AUTS2: variants seen among roughly 807,000 people sequenced by gnomAD.
AUTS2 encodes the protein autism susceptibility gene 2 protein.
AUTS2 carries 17 observed loss-of-function variants against 112.4 expected under a neutral mutation model. The observed-to-expected ratio is 0.15, with a 90% CI of 0.10 to 0.23. AUTS2 has a LOEUF of 0.23. Ranked by LOEUF, AUTS2 falls within the 10% of genes least tolerant of loss-of-function variation. The probability of loss-of-function intolerance (pLI) is 1.00; values close to 1 mark genes in which losing one functional copy is unlikely to be tolerated. For missense variants in AUTS2, 1,510 were observed against 1,701.6 expected (o/e 0.89, Z 1.98); for synonymous variants, 751 against 702.7 (o/e 1.07, Z -1.09).
intron 1 of AUTS2, among the ~76,000 whole-genome samples, chr7:69,730,316 T>A (rs1242486351): frequency 1.3e-5 from 2 of 152,202 alleles, no homozygotes; most frequent in African/African-American, 2.4e-5. Flanking sequence ...TGAAGTTTTT[T>A]ATATTTTCTT....
At chr7:69,698,439 A>T (rs1298273636) in intron 1 of AUTS2, among the ~76,000 whole-genome samples, 5 of 152,106 alleles carry the variant, frequency 3.3e-5, no homozygotes, top group Admixed American at 6.6e-5. Context: ...TGACTTGTCT[A>T]CCAAAGGGTT....
chr7:70,356,499 T>G (rs1792015409), intron 4 of AUTS2, among the ~76,000 whole-genome samples: 1 of 152,232 alleles, frequency 6.6e-6, no homozygotes, highest in African/African-American at 2.4e-5. Flanking sequence ...CAGATGGCTT[T>G]TATTGCCAGT....
chr7:70,554,393 C>CTT lies in AUTS2; in HGVS notation c.690+118631_690+118632dup, dbSNP rs34757734. Among the ~76,000 whole-genome samples, 758 of 116,042 alleles carry CTT rather than the reference C, an allele frequency of 6.5e-3. 18 individuals carry two copies. Among genetic ancestry groups the CTT allele is most frequent in the African/African-American group, 0.024 (708 of 28,998 alleles). The allele number at this position is 116,042 out of a possible 152,430, so 76.1% of individuals were successfully genotyped here. ...CTCTTTTTTTTCTTTTCTTTTCTTT[C>CTT]TTTTTTTTTTTTTTTTTTTTGAAAC... On this transcript the variant is annotated intron_variant, in intron 5 of 18. Coordinates refer to ENST00000342771, the MANE Select transcript of AUTS2 (RefSeq NM_015570.4).
intron 4 of AUTS2, among the ~76,000 whole-genome samples, chr7:70,175,758 TTTAAAA>T (rs1178333895): frequency 6.6e-6 from 1 of 152,214 alleles, no homozygotes; most frequent in African/African-American, 2.4e-5. Context: ...ATAAAGCATT[TTTAAAA>T]TTAAGGTAAC....
Position 70,518,358 on chromosome 7 carries a change from T to A in AUTS2, c.690+82577T>A. On this transcript the variant is annotated intron_variant, in intron 5 of 18. Transcript: ENST00000342771. ...ATCCTGCTAAATCATGTGGTCACAG[T>A]GGGATGAATGAAGAATGAACACTAG... Among the ~76,000 whole-genome samples, 2 of 151,976 alleles carry A rather than the reference T, an allele frequency of 1.3e-5. 1 individual carries two copies. The highest frequency in any genetic ancestry group is 2.9e-5 in the Non-Finnish European group (2 of 68,014).
At chr7:70,162,562 A>T (rs1171224505) in intron 4 of AUTS2, among the ~76,000 whole-genome samples, 1 of 150,226 alleles carries the variant, frequency 6.7e-6, no homozygotes, top group Non-Finnish European at 1.5e-5. Context: ...GTTCTTGTGC[A>T]GTCAATGTCT....
chr7:70,131,478 C>A (rs1185807696), intron 3 of AUTS2, among the ~76,000 whole-genome samples: 1 of 152,126 alleles, frequency 6.6e-6, no homozygotes, highest in Non-Finnish European at 1.5e-5. Flanking sequence ...TGGTTCTTTA[C>A]CTTTTGGTGA....
chr7:70,015,404 T>G (rs1297541741), intron 2 of AUTS2, among the ~76,000 whole-genome samples: 1 of 152,212 alleles, frequency 6.6e-6, no homozygotes, highest in African/African-American at 2.4e-5. Flanking sequence ...GTTAAATAAT[T>G]GCACAAAATC....
chr7:70,073,322 C>A (rs1433082617), intron 2 of AUTS2, among the ~76,000 whole-genome samples: 2 of 151,686 alleles, frequency 1.3e-5, no homozygotes, highest in African/African-American at 4.8e-5. Flanking sequence ...ACCAGCCTGA[C>A]CAACATGGTG....
At chr7:70,375,448 C>G (rs143793388) in intron 4 of AUTS2, among the ~76,000 whole-genome samples, 93 of 152,256 alleles carry the variant, frequency 6.1e-4, no homozygotes, top group African/African-American at 2.2e-3. Context: ...ATTTCATCAA[C>G]AAGAATTTAT....
intron 1 of AUTS2, among the ~76,000 whole-genome samples, chr7:69,765,610 T>C (rs141711731): frequency 3.5e-4 from 53 of 152,248 alleles, no homozygotes; most frequent in African/African-American, 1.3e-3. Flanking sequence ...AGCCACTGCG[T>C]TCAGTCTAAT....
intron 5 of AUTS2, among the ~76,000 whole-genome samples, chr7:70,689,141 G>C (rs1324746706): frequency 6.6e-6 from 1 of 152,102 alleles, no homozygotes; most frequent in Non-Finnish European, 1.5e-5. Context: ...AGGATCACTT[G>C]AGGCCACGAG....
intron 4 of AUTS2, among the ~76,000 whole-genome samples, chr7:70,220,988 A>G (rs1314194527): frequency 6.6e-6 from 1 of 152,204 alleles, no homozygotes; most frequent in Non-Finnish European, 1.5e-5. Context: ...GCTGGAGTGC[A>G]GTGGTCACTA....
chr7:70,127,353 C>T (rs1425603490), intron 3 of AUTS2, among the ~76,000 whole-genome samples: 1 of 152,092 alleles, frequency 6.6e-6, no homozygotes, highest in East Asian at 1.9e-4. Context: ...AGGCTGGTCT[C>T]GAGCTCCTGG....
chr7:69,854,760 T>C (rs1241673669), intron 1 of AUTS2, among the ~76,000 whole-genome samples: 3 of 152,198 alleles, frequency 2.0e-5, no homozygotes, highest in Non-Finnish European at 4.4e-5. Context: ...GTGATAATTA[T>C]TGTGCGAGAT....
intron 5 of AUTS2, among the ~76,000 whole-genome samples, chr7:70,523,066 T>A (rs577896127): frequency 6.6e-6 from 1 of 152,250 alleles, no homozygotes; most frequent in Non-Finnish European, 1.5e-5. Context: ...CCTGGGACTT[T>A]ATGCAGTGAA....
At chr7:69,696,181 G>A (rs1797553859) in intron 1 of AUTS2, among the ~76,000 whole-genome samples, 1 of 152,186 alleles carries the variant, frequency 6.6e-6, no homozygotes, top group South Asian at 2.1e-4. Context: ...GAAGCCTGCG[G>A]TTAGCCTCGG....
intron 2 of AUTS2, among the ~76,000 whole-genome samples, chr7:70,039,867 A>G (rs544309098): frequency 6.3e-4 from 96 of 152,358 alleles, no homozygotes; most frequent in Non-Finnish European, 1.0e-3. Flanking sequence ...GTGCATGCTA[A>G]GTACTAAATC....
At position 70,082,302 on chromosome 7, in the gene AUTS2, G is replaced by A. The variant is rs551232658; in HGVS notation, c.523-35830G>A. On this transcript the variant is annotated intron_variant, in intron 2 of 18. Transcript: ENST00000342771. ...GATGATTTATTGTAATCTCTTGTGA[G>A]GAAATTCATCTTAAAAACTTTTTCG... Among the ~76,000 whole-genome samples, 8 of 152,262 alleles carry A rather than the reference G, an allele frequency of 5.3e-5. No individual in the cohort carries two copies. In the South Asian group the frequency reaches 1.7e-3, roughly 32 times the overall value.
Sources: allele counts gnomAD v4.1 joint callset (sites outside exome capture counted in the v4.1 genomes callset), GRCh38; gene constraint gnomAD v4.1.1; transcripts MANE v1.5; gene names NCBI Gene and HGNC (gene_info 2026-07-23, HGNC 2026-07-21).